The following ATE1 variants were observed in gnomAD, a reference collection of about 807,000 sequenced individuals.
ATE1 encodes arginyl-tRNA--protein transferase 1.
ATE1 carries 36 observed loss-of-function variants against 70.5 expected under a neutral mutation model. The observed-to-expected ratio is 0.51, with a 90% CI of 0.39 to 0.67. The LOEUF (loss-of-function observed/expected upper bound fraction) is 0.67. Ranked by LOEUF, ATE1 falls within the 30% of genes least tolerant of loss-of-function variation. The probability of loss-of-function intolerance (pLI) is 0.00; values close to 1 mark genes in which losing one functional copy is unlikely to be tolerated. For synonymous variants in ATE1, 232 were observed against 219.3 expected (o/e 1.06, Z -0.51); for missense variants, 593 against 629.5 (o/e 0.94, Z 0.62).
rs187280677 is a variant in ATE1 at position 121,897,688 on chromosome 10, T to G, written c.942+2178A>C. 3.5e-3 allele frequency among the ~76,000 whole-genome samples: 532 copies of G among 152,178 alleles called. 8 individuals are homozygous for G. The highest frequency in any genetic ancestry group is 0.012 in the African/African-American group (495 of 41,534). On this transcript the variant is annotated intron_variant, in intron 7 of 11. Transcript: ENST00000224652. ...TAAAAATATAAAAATTAGACGGCTGTGGTGGCACGCGCCTGTAGTCCCAGC... is the reference window on the plus strand; with the variant it reads ...TAAAAATATAAAAATTAGACGGCTGGGGTGGCACGCGCCTGTAGTCCCAGC...
intron 10 of ATE1, among the ~76,000 whole-genome samples, chr10:121,792,676 C>T (rs969650076): frequency 1.3e-5 from 2 of 152,184 alleles, no homozygotes; most frequent in African/African-American, 4.8e-5. Flanking sequence ...TCTCCATTAA[C>T]TCAGAAACTG....
At chr10:121,875,087 C>G (rs557280450) in intron 7 of ATE1, among the ~76,000 whole-genome samples, 1 of 140,774 alleles carries the variant, frequency 7.1e-6, no homozygotes, top group Non-Finnish European at 1.5e-5. Context: ...TGCAGTGAGT[C>G]GAGACCGCAC....
rs566798935 is a variant in ATE1 at position 121,872,029 on chromosome 10, G to T, written c.943-1991C>A. On this transcript the variant is annotated intron_variant, in intron 7 of 11. Transcript: ENST00000224652. ...AAGCCTAGCCAGTTTTAACAGTGGA[G>T]AAAAATGAGGCATGGTAAATTTTGA... is the stretch of plus-strand genomic sequence containing the variant. Among the ~76,000 whole-genome samples, 54 of 152,282 alleles carry T rather than the reference G, an allele frequency of 3.5e-4. No individual in the cohort carries two copies. The Middle Eastern group carries it at 0.01, about 29-fold the overall frequency.
chr10:121,822,664 T>C (rs10886992), intron 10 of ATE1, among the ~76,000 whole-genome samples: 38,880 of 152,134 alleles, frequency 0.26, 5,778 homozygotes, highest in East Asian at 0.54. Flanking sequence ...TCGTACCACA[T>C]CTTCCGTGCA....
chr10:121,798,161 G>A (rs953626436), intron 10 of ATE1, among the ~76,000 whole-genome samples: 1 of 152,146 alleles, frequency 6.6e-6, no homozygotes, highest in African/African-American at 2.4e-5. Flanking sequence ...TTTATGATGT[G>A]GCTCCCACAT....
intron 11 of ATE1, among the ~76,000 whole-genome samples, chr10:121,768,808 G>T (rs1357472617): frequency 6.6e-6 from 1 of 152,006 alleles, no homozygotes; most frequent in African/African-American, 2.4e-5. Flanking sequence ...GCAATTCTGT[G>T]ATTCCTAAAT....
chr10:121,821,053 C>T (rs1486076350), intron 10 of ATE1, among the ~76,000 whole-genome samples: 2 of 152,166 alleles, frequency 1.3e-5, no homozygotes, highest in Non-Finnish European at 2.9e-5. Context: ...GCCATTCTCC[C>T]GCCTCGGCCT....
intron 11 of ATE1, among the ~76,000 whole-genome samples, chr10:121,767,150 A>G (rs570667020): frequency 4.3e-4 from 66 of 152,310 alleles, no homozygotes; most frequent in African/African-American, 1.6e-3. Flanking sequence ...GCTATCCACC[A>G]TATTAACAGT....
At chr10:121,871,479 G>C (rs1949857442) in intron 7 of ATE1, among the ~76,000 whole-genome samples, 1 of 152,032 alleles carries the variant, frequency 6.6e-6, no homozygotes, top group Non-Finnish European at 1.5e-5. Context: ...AAACAAGTAA[G>C]ATAAAACAGA....
chr10:121,883,163 A>G (rs917835838), intron 7 of ATE1, among the ~76,000 whole-genome samples: 3 of 151,968 alleles, frequency 2.0e-5, no homozygotes, highest in African/African-American at 7.3e-5. Context: ...ACCCTCCTTT[A>G]TACCTGCTCT....
At chr10:121,847,363 G>A (rs1489930823) in intron 8 of ATE1, among the ~76,000 whole-genome samples, 1 of 152,036 alleles carries the variant, frequency 6.6e-6, no homozygotes, top group Non-Finnish European at 1.5e-5. Flanking sequence ...CAGGAGAATC[G>A]CTTGAACCCG....
rs751207983 is a variant in ATE1 at position 121,743,580 on chromosome 10, AT to A, written c.*99del. The A allele has an allele frequency of 2.5e-5, 35 of 1,394,290 alleles. No homozygotes were observed. The highest frequency in any genetic ancestry group is 2.9e-5 in the African/African-American group (2 of 68,664). 86.4% of individuals were successfully genotyped at this position (1,394,290 alleles called of 1,614,324 possible). A position where few individuals can be genotyped will look rare whatever the true frequency, so the allele number is the denominator to read the frequency against. On this transcript the variant is annotated 3_prime_UTR_variant, in exon 12 of 12. Coordinates refer to ENST00000224652, the MANE Select transcript of ATE1 (RefSeq NM_001001976.3). ...AGATAGTCAAAATAAAAAATGTCTA[AT>A]TTGTGGGTGGTGACAGTTATTTCCC...
chr10:121,773,325 T>C (rs1165936724), intron 11 of ATE1, among the ~76,000 whole-genome samples: 2 of 152,234 alleles, frequency 1.3e-5, no homozygotes, highest in African/African-American at 2.4e-5. Context: ...AACGCTCTTC[T>C]TGTCATTCAA....
intron 8 of ATE1, among the ~76,000 whole-genome samples, chr10:121,867,739 T>C (rs1014066217): frequency 1.3e-5 from 2 of 152,228 alleles, no homozygotes; most frequent in Admixed American, 6.5e-5. Flanking sequence ...GAGATCTGCA[T>C]GTATAATTTT....
At chr10:121,824,640 G>A (rs1947933984) in intron 10 of ATE1, among the ~76,000 whole-genome samples, 1 of 152,068 alleles carries the variant, frequency 6.6e-6, no homozygotes, top group African/African-American at 2.4e-5. Flanking sequence ...ATGTTTCAAT[G>A]ATCTGATGTC....
At chr10:121,864,091 C>A (rs1197812013) in intron 8 of ATE1, among the ~76,000 whole-genome samples, 1 of 152,162 alleles carries the variant, frequency 6.6e-6, no homozygotes, top group East Asian at 1.9e-4. Flanking sequence ...GGCCACTTAG[C>A]CTTAAGTTAA....
intron 7 of ATE1, among the ~76,000 whole-genome samples, chr10:121,895,334 G>C (rs1414803024): frequency 6.6e-6 from 1 of 152,232 alleles, no homozygotes; most frequent in Admixed American, 6.5e-5. Context: ...CCAAGGCTGA[G>C]CACGGTGGCT....
chr10:121,921,844 G>T (rs1181261105), intron 3 of ATE1, among the ~76,000 whole-genome samples: 1 of 152,096 alleles, frequency 6.6e-6, no homozygotes, highest in Non-Finnish European at 1.5e-5. Flanking sequence ...GAGTCAGCTG[G>T]GCCTAAGTGC....
Position 121,772,920 on chromosome 10 carries a change from A to G in ATE1, c.1378+17249T>C, listed in dbSNP as rs1159028874. Among the ~76,000 whole-genome samples, 6 of 152,354 alleles carry G rather than the reference A, an allele frequency of 3.9e-5. No individual in the cohort carries two copies. In the East Asian group the frequency reaches 9.6e-4, roughly 24 times the overall value. On this transcript the variant is annotated intron_variant, in intron 11 of 11. Coordinates refer to ENST00000224652, the MANE Select transcript of ATE1 (RefSeq NM_001001976.3). ...GTTGGAACATGCAATCCACTTCTACAAAGCAAACTTCTCTCTCTGAGGTGT... is the reference window on the plus strand; with the variant it reads ...GTTGGAACATGCAATCCACTTCTACGAAGCAAACTTCTCTCTCTGAGGTGT...
Sources: allele counts gnomAD v4.1 joint callset (sites outside exome capture counted in the v4.1 genomes callset), GRCh38; gene constraint gnomAD v4.1.1; transcripts MANE v1.5; gene names NCBI Gene and HGNC (gene_info 2026-07-23, HGNC 2026-07-21).